The following MECOM variants were observed in gnomAD, a reference collection of about 807,000 sequenced individuals.
MECOM encodes MDS1 and EVI1 complex locus, also known as histone-lysine N-methyltransferase MECOM.
A neutral mutation model predicts 116.3 loss-of-function variants in MECOM; 13 were observed. That is an observed-to-expected ratio of 0.11 (90% CI 0.07 to 0.18). The LOEUF (loss-of-function observed/expected upper bound fraction) is 0.18, where lower values mean the gene tolerates loss of function less well. MECOM is among the 10% of genes least tolerant of loss of function. The pLI is 1.00. For missense variants in MECOM, 1,299 were observed against 1,509.0 expected (o/e 0.86, Z 2.31); for synonymous variants, 528 against 535.2 (o/e 0.99, Z 0.19).
At chr3:169,610,321 A>G (rs1769090475) in intron 1 of MECOM, among the ~76,000 whole-genome samples, 1 of 152,140 alleles carries the variant, frequency 6.6e-6, no homozygotes, top group South Asian at 2.1e-4. Flanking sequence ...ATGGGATGTA[A>G]TGGGGGAAAG....
intron 1 of MECOM, among the ~76,000 whole-genome samples, chr3:169,497,064 T>C: frequency 6.6e-6 from 1 of 152,212 alleles, no homozygotes; most frequent in Non-Finnish European, 1.5e-5. Context: ...CACATTAAAA[T>C]GAGCAGACTC....
intron 1 of MECOM, among the ~76,000 whole-genome samples, chr3:169,572,942 C>T (rs534586397): frequency 2.6e-5 from 4 of 151,900 alleles, no homozygotes; most frequent in Admixed American, 1.3e-4. Context: ...CAAACCTGCA[C>T]GTTCTGCACA....
chr3:169,221,104 A>G (rs1358682612), intron 2 of MECOM, among the ~76,000 whole-genome samples: 1 of 152,104 alleles, frequency 6.6e-6, no homozygotes, highest in Admixed American at 6.5e-5. Context: ...AGCTACTTAC[A>G]CTCTCTTCTT....
At chr3:169,301,645 A>G (rs1199316565) in intron 2 of MECOM, among the ~76,000 whole-genome samples, 2 of 152,248 alleles carry the variant, frequency 1.3e-5, no homozygotes, top group African/African-American at 4.8e-5. Flanking sequence ...CCATTACTCT[A>G]GGAAAATCAA....
At chr3:169,316,192 A>G (rs1224388574) in intron 2 of MECOM, among the ~76,000 whole-genome samples, 1 of 152,242 alleles carries the variant, frequency 6.6e-6, no homozygotes, top group Admixed American at 6.5e-5. Flanking sequence ...AGTGTTGTAT[A>G]ATTTACAAAC....
At chr3:169,468,948 T>G (rs528901277) in intron 1 of MECOM, among the ~76,000 whole-genome samples, 1 of 152,200 alleles carries the variant, frequency 6.6e-6, no homozygotes. Flanking sequence ...ATGGTCTTGG[T>G]TGAACTCAAA....
chr3:169,553,697 G>T (rs1761677709), intron 1 of MECOM, among the ~76,000 whole-genome samples: 1 of 152,168 alleles, frequency 6.6e-6, no homozygotes, highest in Non-Finnish European at 1.5e-5. Flanking sequence ...GAAGGTGTTC[G>T]CAGGTTTGGT....
intron 2 of MECOM, among the ~76,000 whole-genome samples, chr3:169,357,132 T>C (rs530707067): frequency 7.2e-5 from 11 of 151,866 alleles, no homozygotes; most frequent in Non-Finnish European, 1.6e-4. Context: ...AGCTTACCAA[T>C]ACCCACTAGT....
chr3:169,373,352 C>T (rs543801002), intron 2 of MECOM, among the ~76,000 whole-genome samples: 1 of 151,876 alleles, frequency 6.6e-6, no homozygotes, highest in Non-Finnish European at 1.5e-5. Flanking sequence ...TATCTTATTT[C>T]TCTAACATAT....
intron 1 of MECOM, among the ~76,000 whole-genome samples, chr3:169,423,030 C>G (rs1008520975): frequency 5.3e-5 from 8 of 151,960 alleles, no homozygotes; most frequent in Non-Finnish European, 7.4e-5. Flanking sequence ...TAGTGCTTCC[C>G]AAACCGTAAT....
chr3:169,319,478 C>T (rs533998685), intron 2 of MECOM, among the ~76,000 whole-genome samples: 3 of 151,962 alleles, frequency 2.0e-5, no homozygotes, highest in African/African-American at 7.2e-5. Context: ...ATATAGATGA[C>T]GGGTTGATGG....
At chr3:169,142,269 A>C (rs940150357) in intron 3 of MECOM, among the ~76,000 whole-genome samples, 7 of 151,970 alleles carry the variant, frequency 4.6e-5, no homozygotes, top group Non-Finnish European at 7.4e-5. Context: ...TTATCTGTCT[A>C]AGGAAATAGC....
At chr3:169,587,372 C>T (rs1199141836) in intron 1 of MECOM, among the ~76,000 whole-genome samples, 2 of 151,564 alleles carry the variant, frequency 1.3e-5, no homozygotes, top group African/African-American at 2.4e-5. Context: ...GCACATATGG[C>T]ATGGTTTCTG....
At chr3:169,172,771 T>G (rs1402027672) in intron 2 of MECOM, among the ~76,000 whole-genome samples, 2 of 152,172 alleles carry the variant, frequency 1.3e-5, no homozygotes, top group East Asian at 3.8e-4. Context: ...GACATAATAC[T>G]GTGCTGTGCA....
intron 1 of MECOM, among the ~76,000 whole-genome samples, chr3:169,547,460 C>T (rs1312941365): frequency 1.3e-5 from 2 of 152,112 alleles, no homozygotes; most frequent in African/African-American, 2.4e-5. Context: ...TGTGTATAAG[C>T]AGTGGTCATG....
chr3:169,397,824 G>A (rs1423114428), intron 1 of MECOM, among the ~76,000 whole-genome samples: 1 of 152,180 alleles, frequency 6.6e-6, no homozygotes. Flanking sequence ...GAATTGTCAT[G>A]GGCAGCTCAT....
intron 1 of MECOM, among the ~76,000 whole-genome samples, chr3:169,527,312 A>C (rs1433283750): frequency 2.6e-5 from 4 of 152,192 alleles, no homozygotes; most frequent in African/African-American, 7.2e-5. Context: ...TTAATTCGGA[A>C]ACTTTCGTTA....
At chr3:169,491,089 C>T (rs1421608858) in intron 1 of MECOM, among the ~76,000 whole-genome samples, 1 of 152,094 alleles carries the variant, frequency 6.6e-6, no homozygotes, top group Admixed American at 6.5e-5. Context: ...AACCCCTGGG[C>T]TCAAGCAATC....
chr3:169,391,846 C>T (rs1734245599), intron 1 of MECOM, among the ~76,000 whole-genome samples: 1 of 152,062 alleles, frequency 6.6e-6, no homozygotes, highest in Admixed American at 6.5e-5. Flanking sequence ...GTGGTCTGTA[C>T]AGTATCCTTC....
Sources: allele counts gnomAD v4.1 joint callset (sites outside exome capture counted in the v4.1 genomes callset), GRCh38; gene constraint gnomAD v4.1.1; transcripts MANE v1.5; gene names NCBI Gene and HGNC (gene_info 2026-07-23, HGNC 2026-07-21).